The following TRAPPC9 variants were observed in gnomAD, a reference collection of about 807,000 sequenced individuals.
TRAPPC9 encodes the protein trafficking protein particle complex subunit 9.
A neutral mutation model predicts 124.0 loss-of-function variants in TRAPPC9; 83 were observed. The observed-to-expected ratio is 0.67, with a 90% CI of 0.56 to 0.80. The LOEUF is 0.80. Among genes scored for constraint, TRAPPC9 ranks in the 30% least tolerant of loss-of-function variants. The probability of loss-of-function intolerance (pLI) is 0.00; values close to 1 mark genes in which losing one functional copy is unlikely to be tolerated. For synonymous variants in TRAPPC9, 638 were observed against 617.5 expected (o/e 1.03, Z -0.49); for missense variants, 1,302 against 1,508.3 (o/e 0.86, Z 2.27).
intron 5 of TRAPPC9, among the ~76,000 whole-genome samples, chr8:140,422,444 T>C (rs553174686): frequency 2.0e-3 from 302 of 152,246 alleles, no homozygotes; most frequent in Middle Eastern, 6.8e-3. Context: ...AAAGGACTCA[T>C]ATATAGAATA....
rs560230247 is a variant in TRAPPC9, at chr8:140,280,987, C to T, written c.2114+2902G>A. 5.9e-5 allele frequency among the ~76,000 whole-genome samples: 9 copies of T among 152,326 alleles called. 1 individual carries two copies. The highest frequency in any genetic ancestry group is 1.3e-4 in the Admixed American group (2 of 15,304). ...CACGTGTCCCTTCGTCCCTTCATTGCGGAGTGGTGTTCCACTGCAGGGACA... is the reference window on the plus strand; with the variant it reads ...CACGTGTCCCTTCGTCCCTTCATTGTGGAGTGGTGTTCCACTGCAGGGACA... On this transcript the variant is annotated intron_variant, in intron 14 of 22. Coordinates refer to ENST00000438773, the MANE Select transcript of TRAPPC9 (RefSeq NM_001160372.4).
At position 139,830,712 on chromosome 8, in the gene TRAPPC9, TAC is replaced by T. The variant is rs754948073; in HGVS notation, c.3055+55165_3055+55166del. ...GCATATACACATGCACACATGCAAA[TAC>T]ACACACACACAGACACACACCTCTA... On this transcript the variant is annotated intron_variant, in intron 21 of 22. Transcript: ENST00000438773. Among the ~76,000 whole-genome samples the T allele has an allele frequency of 2.1e-3, 316 of 151,648 alleles. 1 individual carries two copies. Among genetic ancestry groups the T allele is most frequent in the African/African-American group, 7.3e-3 (301 of 41,298 alleles).
intron 21 of TRAPPC9, among the ~76,000 whole-genome samples, chr8:139,814,312 G>T (rs1008066050): frequency 6.6e-6 from 1 of 152,178 alleles, no homozygotes; most frequent in Non-Finnish European, 1.5e-5. Flanking sequence ...GTGGAGACAC[G>T]GCGATGAGAA....
Position 140,241,437 on chromosome 8 carries a change from C to T in TRAPPC9, c.2431+11340G>A, listed in dbSNP as rs912513746. Among the ~76,000 whole-genome samples, 1 of 151,808 alleles carries T rather than the reference C, an allele frequency of 6.6e-6. No homozygotes were observed. The highest frequency in any genetic ancestry group is 1.5e-5 in the Non-Finnish European group (1 of 67,984). On this transcript the variant is annotated intron_variant, in intron 16 of 22. Coordinates refer to ENST00000438773, the MANE Select transcript of TRAPPC9 (RefSeq NM_001160372.4). The surrounding 1 kb of genome is among the most constrained non-coding windows in gnomAD (Gnocchi z 5.0). ...TTGGGCCAGGCGCGGTGGCACCCGC[C>T]TGTAATCCCAGCACTTTGGGAGGCT...
intron 21 of TRAPPC9, among the ~76,000 whole-genome samples, chr8:139,744,312 G>C (rs1818749734): frequency 1.3e-5 from 2 of 152,234 alleles, no homozygotes; most frequent in South Asian, 4.1e-4. Context: ...TGGGAGGTAT[G>C]TGTCAAATCA....
chr8:140,091,001 G>C (rs953983831), intron 17 of TRAPPC9, among the ~76,000 whole-genome samples: 1 of 152,226 alleles, frequency 6.6e-6, no homozygotes, highest in Non-Finnish European at 1.5e-5. Context: ...CCAAAAGGCT[G>C]AGGATCAGCC....
At chr8:139,886,095 G>A (rs951283958) in intron 20 of TRAPPC9, 126 bp from the exon 21 acceptor site, 1 of 908,044 alleles carries the variant, frequency 1.1e-6, no homozygotes, top group African/African-American at 1.6e-5. Context: ...TCTTCTGAAG[G>A]GACTGTCTAA....
At chr8:140,208,382 G>A (rs900116512) in intron 17 of TRAPPC9, among the ~76,000 whole-genome samples, 14 of 152,136 alleles carry the variant, frequency 9.2e-5, no homozygotes, top group African/African-American at 3.4e-4. Flanking sequence ...TTAAGGTGGT[G>A]GTCCTCAAAC....
intron 19 of TRAPPC9, among the ~76,000 whole-genome samples, chr8:139,981,784 G>A (rs921469983): frequency 1.3e-5 from 2 of 152,200 alleles, no homozygotes; most frequent in African/African-American, 2.4e-5. Flanking sequence ...GCCATTGCCT[G>A]TGGGGCTCTT....
chr8:140,409,769 T>C (rs2069627989), intron 5 of TRAPPC9, among the ~76,000 whole-genome samples: 1 of 152,150 alleles, frequency 6.6e-6, no homozygotes, highest in Non-Finnish European at 1.5e-5. Context: ...AGAACATTAA[T>C]GTGTTTATTT....
In TRAPPC9 at chr8:139,728,381, C is replaced by T. The variant is rs1190067041; in HGVS notation, c.*2680G>A. ...TCCTGGCTTACCCTCCGCTGGCCTT[C>T]AGGAGGTTTCTGAATGCACCAGGGG... On this transcript the variant is annotated 3_prime_UTR_variant, in exon 23 of 23. Coordinates refer to ENST00000438773, the MANE Select transcript of TRAPPC9 (RefSeq NM_001160372.4). Among the ~76,000 whole-genome samples, 2 of 152,206 alleles carry T rather than the reference C, an allele frequency of 1.3e-5. No individual in the cohort carries two copies. Among genetic ancestry groups the T allele is most frequent in the Non-Finnish European group, 2.9e-5 (2 of 68,040 alleles).
intron 2 of TRAPPC9, among the ~76,000 whole-genome samples, chr8:140,442,223 CAA>C (rs1295713895): frequency 6.6e-6 from 1 of 152,066 alleles, no homozygotes; most frequent in African/African-American, 2.4e-5. Flanking sequence ...AGGACTTTTA[CAA>C]AAAGTCATAT....
intron 21 of TRAPPC9, among the ~76,000 whole-genome samples, chr8:139,809,526 G>A (rs58639750): frequency 0.011 from 1,621 of 152,272 alleles, 24 homozygotes; most frequent in African/African-American, 0.036. Flanking sequence ...CTGGGCAATC[G>A]CCTCCGACTT....
intron 17 of TRAPPC9, among the ~76,000 whole-genome samples, chr8:140,159,635 GTC>G (rs1490997534): frequency 6.6e-6 from 1 of 152,174 alleles, no homozygotes; most frequent in African/African-American, 2.4e-5. Flanking sequence ...AGGAAGTCAA[GTC>G]TCTCTGCAAA....
chr8:140,368,492 C>T (rs1588228736), intron 8 of TRAPPC9, among the ~76,000 whole-genome samples: 1 of 152,116 alleles, frequency 6.6e-6, no homozygotes, highest in African/African-American at 2.4e-5. Context: ...CCCATAAAAA[C>T]TGGGGATTTA....
At position 140,182,287 on chromosome 8, in the gene TRAPPC9, T is replaced by C. The variant is rs2062222420; in HGVS notation, c.2556+39172A>G. 6.6e-6 allele frequency among the ~76,000 whole-genome samples: 1 copy of C among 151,728 alleles called. No homozygotes were observed. The highest frequency in any genetic ancestry group is 1.5e-5 in the Non-Finnish European group (1 of 67,958). ...AATGTTTCCGAAGCCTGCCTTTCCC[T>C]AAGACCTTGGTCTATTCAACTGTTT... On this transcript the variant is annotated intron_variant, in intron 17 of 22. Transcript: ENST00000438773. The surrounding 1 kb of genome is among the most constrained non-coding windows in gnomAD (Gnocchi z 4.0).
At chr8:140,348,136 G>A (rs142607277) in intron 9 of TRAPPC9, among the ~76,000 whole-genome samples, 89 of 152,348 alleles carry the variant, frequency 5.8e-4, no homozygotes, top group African/African-American at 2.0e-3. Context: ...TGGGACGCCA[G>A]GGGTCCTGCT....
At chr8:139,803,505 C>T (rs1823714233) in intron 21 of TRAPPC9, among the ~76,000 whole-genome samples, 1 of 152,250 alleles carries the variant, frequency 6.6e-6, no homozygotes, top group South Asian at 2.1e-4. Flanking sequence ...GGCCCAGCAC[C>T]GCTCTCTGTG....
chr8:140,045,582 G>A (rs779816381), intron 17 of TRAPPC9, among the ~76,000 whole-genome samples: 9 of 138,830 alleles, frequency 6.5e-5, no homozygotes, highest in Non-Finnish European at 1.1e-4. Flanking sequence ...ACCTGAGATC[G>A]CGCCACTGCA....
Sources: gnomAD v4.1 joint callset for allele counts (sites outside exome capture counted in the v4.1 genomes callset) on GRCh38, gnomAD v4.1.1 for gene constraint, Gnocchi (gnomAD v3.1) non-coding constraint, MANE v1.5 for transcripts, NCBI Gene and HGNC (gene_info 2026-07-23, HGNC 2026-07-21) for gene names.